Variants in SDCCAG8 observed in about 807,000 individuals in gnomAD.
SDCCAG8 encodes serologically defined colon cancer antigen 8.
SDCCAG8 carries 74 observed loss-of-function variants against 101.8 expected under a neutral mutation model. The observed-to-expected ratio is 0.73, with a 90% CI of 0.60 to 0.88. SDCCAG8 has a LOEUF of 0.88. Among genes scored for constraint, SDCCAG8 ranks in the 40% least tolerant of loss-of-function variants. SDCCAG8 has a pLI of 0.00. For synonymous variants in SDCCAG8, 281 were observed against 292.9 expected, an observed-to-expected ratio of 0.96 and a Z score of 0.41; for missense variants, 787 against 822.6, an observed-to-expected ratio of 0.96 and a Z score of 0.53.
chr1:243,364,306 G>T (rs2076876721), intron 12 of SDCCAG8, among the ~76,000 whole-genome samples: 1 of 152,150 alleles, frequency 6.6e-6, no homozygotes, highest in Non-Finnish European at 1.5e-5. Flanking sequence ...TTAAAGGTAA[G>T]TTGAACACAG....
chr1:243,473,919 CGGCG>C (rs1184507103), intron 16 of SDCCAG8, among the ~76,000 whole-genome samples: 211 of 3,414 alleles, frequency 0.062, 17 homozygotes, highest in African/African-American at 0.19. Context: ...GGAGAGTTGC[CGGCG>C]GGGGGGGGGG....
At chr1:243,478,169 G>T (rs766915887) in intron 16 of SDCCAG8, among the ~76,000 whole-genome samples, 1 of 152,202 alleles carries the variant, frequency 6.6e-6, no homozygotes, top group Non-Finnish European at 1.5e-5. Flanking sequence ...TCTCTCTCAG[G>T]GTCCTTCCCT....
At chr1:243,320,540 G>C (rs1244498303) in intron 9 of SDCCAG8, among the ~76,000 whole-genome samples, 2 of 152,138 alleles carry the variant, frequency 1.3e-5, no homozygotes, top group Non-Finnish European at 2.9e-5. Context: ...TCAAAGGCAG[G>C]AGGGCTTAGG....
At chr1:243,361,182 C>T (rs1454645250) in intron 12 of SDCCAG8, among the ~76,000 whole-genome samples, 1 of 152,172 alleles carries the variant, frequency 6.6e-6, no homozygotes, top group East Asian at 1.9e-4. Flanking sequence ...TTTGGACTTG[C>T]TCTTTTCTTC....
intron 17 of SDCCAG8, among the ~76,000 whole-genome samples, chr1:243,497,343 G>GC (rs1158343449): frequency 6.8e-6 from 1 of 146,380 alleles, no homozygotes; most frequent in Non-Finnish European, 1.5e-5. Context: ...CGGGTGGGGG[G>GC]GGGGGCGTTG....
intron 16 of SDCCAG8, among the ~76,000 whole-genome samples, chr1:243,444,954 A>T (rs1295528307): frequency 6.6e-6 from 1 of 152,156 alleles, no homozygotes; most frequent in Non-Finnish European, 1.5e-5. Context: ...AATTATAAGG[A>T]TATCAATTTC....
intron 16 of SDCCAG8, among the ~76,000 whole-genome samples, chr1:243,439,633 C>CACAT (rs2082395935): frequency 6.7e-6 from 1 of 148,626 alleles, no homozygotes. Context: ...CACACACACA[C>CACAT]ACACACACAC....
chr1:243,391,821 G>A (rs967500997), intron 13 of SDCCAG8, among the ~76,000 whole-genome samples: 4 of 152,356 alleles, frequency 2.6e-5, no homozygotes, highest in East Asian at 1.9e-4. Context: ...CTATTGGAAT[G>A]TGTGCAGGAG....
chr1:243,337,888 A>G (rs1322447282), intron 10 of SDCCAG8, among the ~76,000 whole-genome samples: 1 of 112,794 alleles, frequency 8.9e-6, no homozygotes, highest in Non-Finnish European at 2.1e-5. Flanking sequence ...ATTTTTTCAA[A>G]TGAAAATTAA....
intron 16 of SDCCAG8, among the ~76,000 whole-genome samples, chr1:243,484,785 C>T (rs1391717119): frequency 2.6e-5 from 4 of 152,188 alleles, no homozygotes; most frequent in African/African-American, 9.7e-5. Context: ...GTGGCTCACG[C>T]CTGTAATCCC....
chr1:243,400,937 A>T (rs979834523), intron 13 of SDCCAG8, among the ~76,000 whole-genome samples: 1 of 152,058 alleles, frequency 6.6e-6, no homozygotes, highest in Non-Finnish European at 1.5e-5. Context: ...CCTCCCTTTT[A>T]TGTGTATTCT....
At position 243,497,836 on chromosome 1, in the gene SDCCAG8, A is replaced by G. The variant is rs1279903070; in HGVS notation, c.2113-1920A>G. 1.7e-4 allele frequency among the ~76,000 whole-genome samples: 26 copies of G among 152,140 alleles called. 1 individual carries two copies. On this transcript the variant is annotated intron_variant, in intron 17 of 17. Coordinates refer to ENST00000366541, the MANE Select transcript of SDCCAG8 (RefSeq NM_006642.5). ...TGGGACTACAGGGGTGCGCCACCACACATGGCTAATTTTTACAATTTTTTT... is the reference window on the plus strand; with the variant it reads ...TGGGACTACAGGGGTGCGCCACCACGCATGGCTAATTTTTACAATTTTTTT...
chr1:243,370,954 T>C (rs1337958923), intron 12 of SDCCAG8, among the ~76,000 whole-genome samples: 1 of 152,156 alleles, frequency 6.6e-6, no homozygotes, highest in East Asian at 1.9e-4. Flanking sequence ...ATTCTTAGGC[T>C]GGCGTGGAGT....
At chr1:243,356,821 C>CA (rs2076412133) in intron 12 of SDCCAG8, among the ~76,000 whole-genome samples, 1 of 149,172 alleles carries the variant, frequency 6.7e-6, no homozygotes, top group African/African-American at 2.5e-5. Flanking sequence ...CCCATCTCTA[C>CA]AAAAAAAAGA....
chr1:243,395,803 T>G lies in SDCCAG8; in HGVS notation c.1616+16940T>G, dbSNP rs148962063. Among the ~76,000 whole-genome samples the G allele has an allele frequency of 4.0e-3, 615 of 152,226 alleles. 3 individuals are homozygous for G. The highest frequency in any genetic ancestry group is 7.1e-3 in the Non-Finnish European group (481 of 67,970). On this transcript the variant is annotated intron_variant, in intron 13 of 17. Coordinates refer to ENST00000366541, the MANE Select transcript of SDCCAG8 (RefSeq NM_006642.5). ...GAACTTTAAGATTTAAATTTTAAAT[T>G]CCACGTTTTCTCCACTGCTTTTGTT...
intron 1 of SDCCAG8, among the ~76,000 whole-genome samples, chr1:243,257,635 A>G (rs2066872052): frequency 6.6e-6 from 1 of 152,198 alleles, no homozygotes; most frequent in Non-Finnish European, 1.5e-5. Context: ...ATGACTCTAG[A>G]TTTTATAAGG....
intron 16 of SDCCAG8, among the ~76,000 whole-genome samples, chr1:243,481,676 A>T (rs1236720427): frequency 6.6e-6 from 1 of 152,164 alleles, no homozygotes; most frequent in East Asian, 1.9e-4. Context: ...GCACTTTGAG[A>T]ACACTTATCT....
chr1:243,324,458 GC>G (rs1020744887), intron 9 of SDCCAG8, among the ~76,000 whole-genome samples: 1 of 67,584 alleles, frequency 1.5e-5, no homozygotes, highest in Non-Finnish European at 2.9e-5. Context: ...ATCTTCACAT[GC>G]TTTTTTTTTT....
intron 12 of SDCCAG8, among the ~76,000 whole-genome samples, chr1:243,374,939 G>T (rs1011490348): frequency 6.6e-6 from 1 of 152,054 alleles, no homozygotes; most frequent in Non-Finnish European, 1.5e-5. Flanking sequence ...GGGGGAAAAT[G>T]TCAGTTATCT....
Sources: allele counts gnomAD v4.1 joint callset (sites outside exome capture counted in the v4.1 genomes callset), GRCh38; gene constraint gnomAD v4.1.1; transcripts MANE v1.5; gene names NCBI Gene and HGNC (gene_info 2026-07-23, HGNC 2026-07-21).